Variants in DAB1 observed in about 807,000 individuals in gnomAD.
DAB1 encodes disabled homolog 1.
A neutral mutation model predicts 64.6 loss-of-function variants in DAB1; 15 were observed. The ratio of observed to expected loss-of-function variants is 0.23; its 90% CI spans 0.16 to 0.36. DAB1 has a LOEUF of 0.36. Ranked by LOEUF, DAB1 falls within the 10% of genes least tolerant of loss-of-function variation. DAB1 has a pLI of 1.00. For synonymous variants in DAB1, 235 were observed against 251.9 expected, an observed-to-expected ratio of 0.93 and a Z score of 0.64; for missense variants, 596 against 706.7, an observed-to-expected ratio of 0.84 and a Z score of 1.78.
intron 3 of DAB1, among the ~76,000 whole-genome samples, chr1:58,367,435 T>C (rs1644227083): frequency 6.6e-6 from 1 of 152,164 alleles, no homozygotes; most frequent in Non-Finnish European, 1.5e-5. Flanking sequence ...TCATAAATCA[T>C]GTATCTATAT....
intron 4 of DAB1, among the ~76,000 whole-genome samples, chr1:58,341,101 G>A (rs534694825): frequency 6.6e-6 from 1 of 151,094 alleles, no homozygotes; most frequent in Admixed American, 6.6e-5. Context: ...ATCATTTATT[G>A]GATAAAAACA....
At chr1:58,284,809 T>C (rs1661645635) in intron 4 of DAB1, among the ~76,000 whole-genome samples, 1 of 152,236 alleles carries the variant, frequency 6.6e-6, no homozygotes, top group Non-Finnish European at 1.5e-5. Context: ...GCCCTCCAGT[T>C]GATGGAATCC....
chr1:58,144,850 A>T (rs772528699), intron 5 of DAB1, among the ~76,000 whole-genome samples: 4 of 152,174 alleles, frequency 2.6e-5, no homozygotes, highest in Non-Finnish European at 5.9e-5. Context: ...GGCCTACAAG[A>T]GACAAAGGCC....
intron 2 of DAB1, among the ~76,000 whole-genome samples, chr1:57,149,725 A>G (rs1009984778): frequency 1.3e-5 from 2 of 152,198 alleles, no homozygotes; most frequent in East Asian, 3.9e-4. Flanking sequence ...CATAGGAACC[A>G]TAGGAATCAC....
chr1:58,225,236 G>T (rs1659401805), intron 4 of DAB1, among the ~76,000 whole-genome samples: 1 of 151,998 alleles, frequency 6.6e-6, no homozygotes, highest in South Asian at 2.1e-4. Flanking sequence ...GGCCATCAGA[G>T]AAATGCAAAT....
intron 4 of DAB1, among the ~76,000 whole-genome samples, chr1:58,232,277 T>C (rs753275612): frequency 2.0e-5 from 3 of 152,204 alleles, no homozygotes; most frequent in Non-Finnish European, 4.4e-5. Context: ...TTCTCAGTGC[T>C]GAACTTGGAT....
At chr1:58,053,296 A>G (rs1266006863) in intron 5 of DAB1, among the ~76,000 whole-genome samples, 1 of 152,198 alleles carries the variant, frequency 6.6e-6, no homozygotes, top group Non-Finnish European at 1.5e-5. Context: ...TTGGCTCACA[A>G]TTCTGATGTC....
intron 3 of DAB1, among the ~76,000 whole-genome samples, chr1:58,425,252 A>G (rs866089722): frequency 3.4e-4 from 52 of 152,212 alleles, no homozygotes; most frequent in African/African-American, 1.2e-3. Flanking sequence ...GTGAGCCTAA[A>G]GATTTTCTGG....
At chr1:57,359,798 C>A (rs918995530) in intron 1 of DAB1, among the ~76,000 whole-genome samples, 4 of 151,964 alleles carry the variant, frequency 2.6e-5, no homozygotes, top group South Asian at 2.1e-4. Flanking sequence ...GATGGATTGA[C>A]CTGCAGGACA....
intron 3 of DAB1, among the ~76,000 whole-genome samples, chr1:58,362,386 G>A (rs187644374): frequency 2.6e-5 from 4 of 152,170 alleles, no homozygotes; most frequent in Non-Finnish European, 4.4e-5. Flanking sequence ...TCCATCCTTT[G>A]AGGGAAAAAT....
At chr1:58,399,129 G>A (rs1357995930) in intron 3 of DAB1, among the ~76,000 whole-genome samples, 8 of 152,336 alleles carry the variant, frequency 5.3e-5, no homozygotes, top group Admixed American at 2.6e-4. Flanking sequence ...CCATTTTACA[G>A]ATAAGTCAAG....
At chr1:57,293,287 G>T (rs1672929179) in intron 1 of DAB1, among the ~76,000 whole-genome samples, 1 of 152,128 alleles carries the variant, frequency 6.6e-6, no homozygotes, top group South Asian at 2.1e-4. Context: ...AAGATGTTCT[G>T]ATCTCTGTAG....
intron 3 of DAB1, among the ~76,000 whole-genome samples, chr1:58,376,637 G>GA (rs1253035724): frequency 4.2e-5 from 6 of 142,930 alleles, no homozygotes; most frequent in South Asian, 2.2e-4. Context: ...GTGTGGTGCT[G>GA]AAAAAAATGT....
intron 1 of DAB1, among the ~76,000 whole-genome samples, chr1:57,326,172 G>C (rs1284951874): frequency 6.6e-6 from 1 of 152,202 alleles, no homozygotes; most frequent in African/African-American, 2.4e-5. Flanking sequence ...GACTGCTCCA[G>C]ATCTTTCCAT....
At chr1:58,108,643 A>G (rs1651802742) in intron 5 of DAB1, among the ~76,000 whole-genome samples, 1 of 152,214 alleles carries the variant, frequency 6.6e-6, no homozygotes, top group African/African-American at 2.4e-5. Context: ...CTCAATGTGC[A>G]CTAAGTTTTT....
chr1:57,563,717 T>G (rs529879306), intron 7 of DAB1, among the ~76,000 whole-genome samples: 21 of 152,182 alleles, frequency 1.4e-4, no homozygotes, highest in South Asian at 8.3e-4. Flanking sequence ...GAGATCAAAC[T>G]GCAAGGTGGC....
chr1:58,242,511 A>T (rs1026864300), intron 4 of DAB1, among the ~76,000 whole-genome samples: 1 of 152,170 alleles, frequency 6.6e-6, no homozygotes, highest in African/African-American at 2.4e-5. Flanking sequence ...GTAGTTATAC[A>T]TCTAAAGAGA....
At chr1:57,988,671 T>C (rs1557597998) in intron 5 of DAB1, among the ~76,000 whole-genome samples, 1 of 151,820 alleles carries the variant, frequency 6.6e-6, no homozygotes. Flanking sequence ...GCTGTTAGAC[T>C]CCAAAGGTTC....
chr1:57,107,393 A>G (rs1655268269), intron 4 of DAB1, among the ~76,000 whole-genome samples: 1 of 151,816 alleles, frequency 6.6e-6, no homozygotes, highest in Non-Finnish European at 1.5e-5. Flanking sequence ...AAAAAAAAAA[A>G]AAAATCAACC....
Sources: gnomAD v4.1 joint callset for allele counts (sites outside exome capture counted in the v4.1 genomes callset) on GRCh38, gnomAD v4.1.1 for gene constraint, MANE v1.5 for transcripts, NCBI Gene and HGNC (gene_info 2026-07-23, HGNC 2026-07-21) for gene names.